The following ZNF562 variants were observed in gnomAD, a reference collection of about 807,000 sequenced individuals.
ZNF562 encodes the protein zinc finger protein 562.
Under a neutral mutation model 17.5 loss-of-function variants are expected in ZNF562, and 13 were observed. The observed-to-expected ratio is 0.74, with a 90% CI of 0.48 to 1.18. The LOEUF (loss-of-function observed/expected upper bound fraction) is 1.18. Among genes scored for constraint, ZNF562 ranks in the 50% most tolerant of loss-of-function variants. The pLI is 0.00. For synonymous variants in ZNF562, 163 were observed against 165.4 expected (o/e 0.99, Z 0.11); for missense variants, 481 against 498.5 (o/e 0.96, Z 0.33).
chr19:9,653,804 T>A lies in ZNF562; in HGVS notation c.426A>T (p.Thr142=), dbSNP rs2043358911. ...TCCCTCCATTCTGAGCTCTCATGTG[T>A]GTCTTAAGGCAAAACTGTTCACTGA... ...EVFSEQFCLK[T]HMRAQNGGNT... is the part of the protein sequence containing the mutation. The change falls in exon 6 of 6, where the codon ACA becomes ACT. Residue 142 remains threonine (T), a synonymous_variant. Transcript: ENST00000453372. The A allele has an allele frequency of 6.2e-7, 1 of 1,613,696 alleles. No homozygotes were observed. The highest frequency in any genetic ancestry group is 1.1e-5 in the South Asian group (1 of 91,042).
intron 1 of ZNF562, among the ~76,000 whole-genome samples, chr19:9,661,171 A>T (rs1163455548): frequency 6.6e-6 from 1 of 152,172 alleles, no homozygotes; most frequent in African/African-American, 2.4e-5. Flanking sequence ...ATTTATTGAG[A>T]CAGGGTCTCA....
chr19:9,672,337 A>G (rs1374127166), intron 1 of ZNF562, among the ~76,000 whole-genome samples: 1 of 152,202 alleles, frequency 6.6e-6, no homozygotes, highest in African/African-American at 2.4e-5. Context: ...TAGTATGACA[A>G]TGCCTATTTT....
At chr19:9,672,332 T>G (rs901842203) in intron 1 of ZNF562, among the ~76,000 whole-genome samples, 3 of 152,192 alleles carry the variant, frequency 2.0e-5, no homozygotes, top group African/African-American at 4.8e-5. Context: ...GGTTTTAGTA[T>G]GACAATGCCT....
Position 9,642,081 on chromosome 19 carries a change from A to T in ZNF562, c.*10868T>A, listed in dbSNP as rs1221270813. Reference sequence around the variant, plus strand: ...CAAAGTACATTTACAAGGAGAGGAAAGGTGTACTGTCACAAGGGCCAATGG... The same window carrying T: ...CAAAGTACATTTACAAGGAGAGGAATGGTGTACTGTCACAAGGGCCAATGG... On this transcript the variant is annotated 3_prime_UTR_variant, in exon 6 of 6. Coordinates refer to ENST00000453372, the MANE Select transcript of ZNF562 (RefSeq NM_001130031.2). 1 of 151,412 alleles carries T rather than the reference A, an allele frequency of 6.6e-6. No homozygotes were observed. Among genetic ancestry groups the T allele is most frequent in the African/African-American group, 2.4e-5 (1 of 41,168 alleles). The allele number at this position is 151,412 out of a possible 1,614,324, so 9.4% of individuals were successfully genotyped here. A position where few individuals can be genotyped will look rare whatever the true frequency, so the allele number is the denominator to read the frequency against.
rs913855985 is a variant in ZNF562, at chr19:9,646,996, C to A, written c.*5953G>T. ...GTTTCACCGCATTGGCCAGGCTGGTCTCGAACTCCTGACCTCAGGTGACCC... is the reference window on the plus strand; with the variant it reads ...GTTTCACCGCATTGGCCAGGCTGGTATCGAACTCCTGACCTCAGGTGACCC... On this transcript the variant is annotated 3_prime_UTR_variant, in exon 6 of 6. Transcript: ENST00000453372. 3.3e-5 allele frequency: 5 copies of A among 151,716 alleles called. No individual in the cohort carries two copies. The highest frequency in any genetic ancestry group is 7.4e-5 in the Non-Finnish European group (5 of 67,978). The allele number at this position is 151,716 out of a possible 1,614,324, so 9.4% of individuals were successfully genotyped here.
At chr19:9,655,281 A>C (rs150538945) in intron 5 of ZNF562, among the ~76,000 whole-genome samples, 1 of 151,666 alleles carries the variant, frequency 6.6e-6, no homozygotes, top group African/African-American at 2.4e-5. Flanking sequence ...CAGCCATTGC[A>C]CCCAGCCAAA....
chr19:9,645,994 A>G lies in ZNF562; in HGVS notation c.*6955T>C, dbSNP rs2074803690. On this transcript the variant is annotated 3_prime_UTR_variant, in exon 6 of 6. Transcript: ENST00000453372. Reference sequence around the variant, plus strand: ...AATTAGATGCTAGAAATTAATCCAAATTATTACTAATTAAATGTCAGGCAC... The same window carrying G: ...AATTAGATGCTAGAAATTAATCCAAGTTATTACTAATTAAATGTCAGGCAC... 1 of 152,152 alleles carries G rather than the reference A, an allele frequency of 6.6e-6. No individual in the cohort carries two copies. Among genetic ancestry groups the G allele is most frequent in the African/African-American group, 2.4e-5 (1 of 41,440 alleles). The allele number at this position is 152,152 out of a possible 1,614,324, so 9.4% of individuals were successfully genotyped here.
rs1382540005 is a variant in ZNF562, at chr19:9,647,084, TC to T, written c.*5864del. 2.8e-5 allele frequency: 4 copies of T among 145,240 alleles called. No homozygotes were observed. Among genetic ancestry groups the T allele is most frequent in the Admixed American group, 1.4e-4 (2 of 14,710 alleles). The allele number at this position is 145,240 out of a possible 1,614,324, so 9.0% of individuals were successfully genotyped here. A position where few individuals can be genotyped will look rare whatever the true frequency, so the allele number is the denominator to read the frequency against. On this transcript the variant is annotated 3_prime_UTR_variant, in exon 6 of 6. Coordinates refer to ENST00000453372, the MANE Select transcript of ZNF562 (RefSeq NM_001130031.2). ...TGAAGCACCGTGCCCAACCTAGTTG[TC>T]TTTTTTTTTTTTTTTGAGACGGATT... is the stretch of plus-strand genomic sequence containing the variant.
intron 3 of ZNF562, 100 bp downstream of exon 3, chr19:9,659,279 G>C: frequency 1.8e-6 from 2 of 1,089,200 alleles, no homozygotes; most frequent in Non-Finnish European, 2.6e-6. Flanking sequence ...GGCTTCATTT[G>C]CTCTAAGAAA....
In ZNF562 at chr19:9,667,039, AT is replaced by A. The variant is rs1226076443; in HGVS notation, c.-130-6166del. On this transcript the variant is annotated intron_variant, in intron 1 of 5. Transcript: ENST00000453372. Reference sequence around the variant, plus strand: ...TCTACAAGGTGAGCATTATTCTCATATCAAAAACCAGACAAGAGCACAACAA... The same window carrying A: ...TCTACAAGGTGAGCATTATTCTCATACAAAAACCAGACAAGAGCACAACAA... Among the ~76,000 whole-genome samples the A allele has an allele frequency of 7.5e-5, 10 of 134,120 alleles. No individual in the cohort carries two copies. In the East Asian group the frequency reaches 1.9e-3, roughly 26 times the overall value. 88.0% of individuals were successfully genotyped at this position (134,120 alleles called of 152,430 possible).
At chr19:9,669,255 A>G (rs1481116003) in intron 1 of ZNF562, among the ~76,000 whole-genome samples, 1 of 152,178 alleles carries the variant, frequency 6.6e-6, no homozygotes, top group Non-Finnish European at 1.5e-5. Flanking sequence ...CTCAAACTTG[A>G]TAACAAAAAA....
chr19:9,665,942 G>C (rs548413649), intron 1 of ZNF562, among the ~76,000 whole-genome samples: 1 of 151,342 alleles, frequency 6.6e-6, no homozygotes, highest in East Asian at 1.9e-4. Context: ...ATGGGAGGTA[G>C]AGGATGCAGT....
intron 1 of ZNF562, among the ~76,000 whole-genome samples, chr19:9,673,820 A>T (rs771522239): frequency 2.6e-4 from 40 of 152,250 alleles, no homozygotes; most frequent in Admixed American, 7.9e-4. Flanking sequence ...AGCCTGGCCA[A>T]CATGGTGAAA....
intron 1 of ZNF562, among the ~76,000 whole-genome samples, chr19:9,666,656 G>GA (rs1356182127): frequency 6.6e-6 from 1 of 151,568 alleles, no homozygotes; most frequent in Non-Finnish European, 1.5e-5. Context: ...TAGACTAAGG[G>GA]AAAAAAATGA....
At chr19:9,669,720 GCGCGCGCGCGCGCGCACACA>G (rs2044086093) in intron 1 of ZNF562, among the ~76,000 whole-genome samples, 1 of 84,874 alleles carries the variant, frequency 1.2e-5, no homozygotes, top group South Asian at 4.3e-4. Flanking sequence ...GCGCGCGAGC[GCGCGCGCGCGCGCGCACACA>G]CACACACACA....
At chr19:9,665,650 A>G (rs191761311) in intron 1 of ZNF562, among the ~76,000 whole-genome samples, 26 of 152,322 alleles carry the variant, frequency 1.7e-4, no homozygotes, top group East Asian at 7.7e-4. Context: ...GGACTCCCCA[A>G]TTCTGGATGG....
chr19:9,654,212 A>G (rs2043374813), intron 5 of ZNF562, among the ~76,000 whole-genome samples: 1 of 152,000 alleles, frequency 6.6e-6, no homozygotes, highest in African/African-American at 2.4e-5. Flanking sequence ...GCTGGTCTCA[A>G]ACTCCTGAGT....
rs74178208 is a variant in ZNF562 at position 9,650,954 on chromosome 19, C to CAAAAAAAAAAAAAAAAAAAAAAA, written c.*1972_*1994dup. 2 of 46,312 alleles carry CAAAAAAAAAAAAAAAAAAAAAAA rather than the reference C, an allele frequency of 4.3e-5. No individual in the cohort carries two copies. Among genetic ancestry groups the CAAAAAAAAAAAAAAAAAAAAAAA allele is most frequent in the African/African-American group, 1.2e-4 (2 of 16,046 alleles). 2.9% of individuals were successfully genotyped at this position (46,312 alleles called of 1,614,324 possible). ...GGGCAACAAGAGCAAAACTCCATCT[C>CAAAAAAAAAAAAAAAAAAAAAAA]AAAAAAAAAAAAAAAAAAAAAAAAA... On this transcript the variant is annotated 3_prime_UTR_variant, in exon 6 of 6. Transcript: ENST00000453372.
intron 1 of ZNF562, among the ~76,000 whole-genome samples, chr19:9,666,623 G>T (rs550765142): frequency 1.3e-5 from 2 of 151,560 alleles, no homozygotes; most frequent in South Asian, 4.2e-4. Context: ...TACTTGAAAA[G>T]ATAAACAAAA....
Sources: gnomAD v4.1 joint callset for allele counts (sites outside exome capture counted in the v4.1 genomes callset) on GRCh38, gnomAD v4.1.1 for gene constraint, MANE v1.5 for transcripts, NCBI Gene and HGNC (gene_info 2026-07-23, HGNC 2026-07-21) for gene names.